Variants in FHIT observed in about 807,000 individuals in gnomAD.
FHIT encodes the protein bis(5'-adenosyl)-triphosphatase.
A neutral mutation model predicts 17.9 loss-of-function variants in FHIT; 19 were observed. The ratio of observed to expected loss-of-function variants is 1.06; its 90% CI spans 0.74 to 1.56. The LOEUF is 1.56. FHIT is among the 40% of genes most tolerant of loss of function. FHIT has a pLI of 0.00. For missense variants in FHIT, 248 were observed against 189.2 expected, an observed-to-expected ratio of 1.31 and a Z score of -1.82; for synonymous variants, 81 against 69.7, an observed-to-expected ratio of 1.16 and a Z score of -0.81.
chr3:60,504,193 T>C (rs1232639196), intron 5 of FHIT, among the ~76,000 whole-genome samples: 4 of 152,150 alleles, frequency 2.6e-5, no homozygotes, highest in Non-Finnish European at 5.9e-5. Flanking sequence ...CCCAGCACTT[T>C]GGGCGGCCGA....
intron 5 of FHIT, among the ~76,000 whole-genome samples, chr3:60,373,513 G>A (rs1700423692): frequency 6.6e-6 from 1 of 152,106 alleles, no homozygotes; most frequent in Admixed American, 6.6e-5. Context: ...TAGGACATCA[G>A]AACTTTCTGT....
intron 5 of FHIT, among the ~76,000 whole-genome samples, chr3:60,458,805 A>T (rs752828401): frequency 6.6e-6 from 1 of 152,066 alleles, no homozygotes; most frequent in East Asian, 1.9e-4. Flanking sequence ...ACATGGTCTC[A>T]CTCTGTCGCC....
intron 4 of FHIT, among the ~76,000 whole-genome samples, chr3:60,723,929 C>T (rs1306031011): frequency 6.6e-6 from 1 of 152,170 alleles, no homozygotes; most frequent in Non-Finnish European, 1.5e-5. Context: ...ATATTTCAAG[C>T]TTCTTTCATA....
At chr3:60,932,195 G>A (rs1355700987) in intron 3 of FHIT, among the ~76,000 whole-genome samples, 2 of 152,236 alleles carry the variant, frequency 1.3e-5, no homozygotes, top group South Asian at 2.1e-4. Context: ...TTATTCTCAC[G>A]ATCACATTCT....
intron 5 of FHIT, among the ~76,000 whole-genome samples, chr3:60,171,312 C>A (rs780294810): frequency 6.6e-6 from 1 of 152,112 alleles, no homozygotes; most frequent in Non-Finnish European, 1.5e-5. Flanking sequence ...TTCCCTTCTA[C>A]AGAAACATTC....
intron 5 of FHIT, among the ~76,000 whole-genome samples, chr3:60,359,564 C>T (rs1244390190): frequency 4.6e-5 from 7 of 152,166 alleles, no homozygotes; most frequent in African/African-American, 1.7e-4. Context: ...CAGGCGTGAG[C>T]CACTGTGCCC....
Position 59,749,219 on chromosome 3 carries a change from TC to T in FHIT, c.*365del. 8.7e-6 allele frequency: 2 copies of T among 230,408 alleles called. No homozygotes were observed. Among genetic ancestry groups the T allele is most frequent in the Non-Finnish European group, 1.7e-5 (2 of 116,330 alleles). The allele number at this position is 230,408 out of a possible 1,614,324, so 14.3% of individuals were successfully genotyped here. A position where few individuals can be genotyped will look rare whatever the true frequency, so the allele number is the denominator to read the frequency against. On this transcript the variant is annotated 3_prime_UTR_variant, in exon 10 of 10. Coordinates refer to ENST00000492590, the MANE Select transcript of FHIT (RefSeq NM_002012.4). ...GGGAAGAAATAAGCAGGTGGACCAA[TC>T]CAACGATTGAATTTCCTTTAAAAAA...
In FHIT at chr3:60,014,228, T is replaced by C. The variant is rs902035714; in HGVS notation, c.104-76A>G. The stretch of plus-strand genomic sequence containing the variant: ...TACCAAGCAGTTCATACCCACAGGA[T>C]TGAATCCTCTCGGACCAGGGCCTGA... On this transcript the variant is annotated intron_variant, in intron 5 of 9. Coordinates refer to ENST00000492590, the MANE Select transcript of FHIT (RefSeq NM_002012.4). The C allele has an allele frequency of 7.7e-5, 114 of 1,472,370 alleles. No homozygotes were observed. In the East Asian group the frequency reaches 8.0e-4, roughly 10 times the overall value. 91.2% of individuals were successfully genotyped at this position (1,472,370 alleles called of 1,614,324 possible). A position where few individuals can be genotyped will look rare whatever the true frequency, so the allele number is the denominator to read the frequency against.
At chr3:59,883,925 A>G (rs1296734309) in intron 8 of FHIT, among the ~76,000 whole-genome samples, 4 of 152,210 alleles carry the variant, frequency 2.6e-5, no homozygotes, top group East Asian at 3.9e-4. Context: ...TTCTATATCT[A>G]TTATCTGATT....
rs571777058 is a variant in FHIT at position 60,926,951 on chromosome 3, C to T, written c.-110-104940G>A. Among the ~76,000 whole-genome samples the T allele has an allele frequency of 1.2e-4, 18 of 152,302 alleles. No homozygotes were observed. The South Asian group carries it at 3.3e-3, about 28-fold the overall frequency. On this transcript the variant is annotated intron_variant, in intron 3 of 9. Transcript: ENST00000492590. ...CCTCTATGCAAATAAACTACAAAAT[C>T]TAGCTCCCTCTCCCTCTCCCTTTCA...
intron 4 of FHIT, among the ~76,000 whole-genome samples, chr3:60,808,382 A>C (rs528923204): frequency 6.6e-6 from 1 of 152,282 alleles, no homozygotes; most frequent in South Asian, 2.1e-4. Flanking sequence ...CCCTAGGACA[A>C]TTAAATATCC....
At chr3:60,928,239 C>G (rs1201054017) in intron 3 of FHIT, among the ~76,000 whole-genome samples, 3 of 151,534 alleles carry the variant, frequency 2.0e-5, no homozygotes, top group East Asian at 3.9e-4. Flanking sequence ...TGCTGACCTT[C>G]TCTCCACTAT....
chr3:60,847,505 T>G (rs2106894844), intron 3 of FHIT, among the ~76,000 whole-genome samples: 1 of 152,180 alleles, frequency 6.6e-6, no homozygotes, highest in South Asian at 2.1e-4. Context: ...CAGGCTCAAA[T>G]CACAGGGCTA....
chr3:61,215,528 A>T (rs2039645217), intron 1 of FHIT, among the ~76,000 whole-genome samples: 1 of 152,202 alleles, frequency 6.6e-6, no homozygotes, highest in South Asian at 2.1e-4. Flanking sequence ...TTCTATGCTC[A>T]TGGGTAGGAA....
intron 2 of FHIT, among the ~76,000 whole-genome samples, chr3:61,079,604 T>G (rs926552907): frequency 3.3e-5 from 5 of 152,226 alleles, no homozygotes; most frequent in Admixed American, 6.5e-5. Context: ...AAATCTCTAG[T>G]GTCTATGTAA....
chr3:60,512,382 G>C (rs1237246280), intron 5 of FHIT, among the ~76,000 whole-genome samples: 1 of 152,114 alleles, frequency 6.6e-6, no homozygotes, highest in Non-Finnish European at 1.5e-5. Context: ...CTCCTCACCT[G>C]AATCAACATG....
chr3:61,052,806 C>T (rs1474696740), intron 2 of FHIT, among the ~76,000 whole-genome samples: 1 of 152,110 alleles, frequency 6.6e-6, no homozygotes, highest in Non-Finnish European at 1.5e-5. Context: ...AAGATCCCTC[C>T]ACCTATTGAG....
intron 2 of FHIT, among the ~76,000 whole-genome samples, chr3:61,111,708 G>A (rs1344632529): frequency 6.6e-6 from 1 of 152,184 alleles, no homozygotes; most frequent in Non-Finnish European, 1.5e-5. Flanking sequence ...AGCCTTGGTT[G>A]TCATACTAAT....
At chr3:60,767,450 G>T (rs1393159204) in intron 4 of FHIT, among the ~76,000 whole-genome samples, 3 of 152,110 alleles carry the variant, frequency 2.0e-5, no homozygotes, top group Non-Finnish European at 4.4e-5. Flanking sequence ...AGAAATCAAG[G>T]TTCAGAGAAT....
Sources: allele counts gnomAD v4.1 joint callset (sites outside exome capture counted in the v4.1 genomes callset), GRCh38; gene constraint gnomAD v4.1.1; transcripts MANE v1.5; gene names NCBI Gene and HGNC (gene_info 2026-07-23, HGNC 2026-07-21).